Variants in DCC observed in about 807,000 individuals in gnomAD.
DCC encodes netrin receptor DCC.
A neutral mutation model predicts 172.5 loss-of-function variants in DCC; 58 were observed. The ratio of observed to expected loss-of-function variants is 0.34; its 90% CI spans 0.27 to 0.42. DCC has a LOEUF of 0.42. Among genes scored for constraint, DCC ranks in the 10% least tolerant of loss-of-function variants. The probability of loss-of-function intolerance (pLI) is 1.00; values close to 1 mark genes in which losing one functional copy is unlikely to be tolerated. For missense variants in DCC, 1,740 were observed against 1,791.0 expected, an observed-to-expected ratio of 0.97 and a Z score of 0.51; for synonymous variants, 709 against 644.5, an observed-to-expected ratio of 1.10 and a Z score of -1.52.
intron 1 of DCC, among the ~76,000 whole-genome samples, chr18:52,518,547 C>T (rs1420210396): frequency 6.6e-6 from 1 of 152,152 alleles, no homozygotes; most frequent in Non-Finnish European, 1.5e-5. Flanking sequence ...CACTGAAATC[C>T]TTCTGACTTG....
intron 7 of DCC, among the ~76,000 whole-genome samples, chr18:53,097,800 T>G (rs2043108616): frequency 6.6e-6 from 1 of 152,308 alleles, no homozygotes; most frequent in South Asian, 2.1e-4. Flanking sequence ...GACTTTCTTT[T>G]GTTTGCATAC....
intron 27 of DCC, among the ~76,000 whole-genome samples, chr18:53,514,565 GA>G (rs940636622): frequency 6.6e-6 from 1 of 151,806 alleles, no homozygotes; most frequent in Non-Finnish European, 1.5e-5. Flanking sequence ...GACTAATAAA[GA>G]AAAAAAGAGA....
chr18:52,981,785 A>G (rs1401477216), intron 5 of DCC, among the ~76,000 whole-genome samples: 1 of 152,206 alleles, frequency 6.6e-6, no homozygotes, highest in Non-Finnish European at 1.5e-5. Flanking sequence ...GAGTATGTTG[A>G]TGGAAAGATT....
At chr18:53,376,415 C>T (rs1440479616) in intron 15 of DCC, among the ~76,000 whole-genome samples, 1 of 152,026 alleles carries the variant, frequency 6.6e-6, no homozygotes, top group Non-Finnish European at 1.5e-5. Flanking sequence ...TAAAAATAAA[C>T]AAACAAAAAG....
chr18:52,517,859 G>A (rs1335820519), intron 1 of DCC, among the ~76,000 whole-genome samples: 1 of 151,910 alleles, frequency 6.6e-6, no homozygotes, highest in African/African-American at 2.4e-5. Context: ...TAGTGTTCTG[G>A]GTCTGGTTTT....
At chr18:52,483,054 T>C (rs888826376) in intron 1 of DCC, among the ~76,000 whole-genome samples, 4 of 152,114 alleles carry the variant, frequency 2.6e-5, no homozygotes, top group African/African-American at 9.6e-5. Context: ...TTCCAGCTTT[T>C]GGTGACTCCA....
intron 25 of DCC, among the ~76,000 whole-genome samples, chr18:53,482,395 T>C (rs906774456): frequency 6.6e-6 from 1 of 152,106 alleles, no homozygotes; most frequent in South Asian, 2.1e-4. Flanking sequence ...GCAGCAAAAA[T>C]ACAAAACTAT....
chr18:52,705,471 C>T (rs2036191879), intron 1 of DCC, among the ~76,000 whole-genome samples: 1 of 152,174 alleles, frequency 6.6e-6, no homozygotes, highest in Admixed American at 6.5e-5. Context: ...ATTTCTCTGT[C>T]AGCAGACACA....
At chr18:53,414,134 C>G (rs1910156248) in intron 20 of DCC, among the ~76,000 whole-genome samples, 1 of 152,100 alleles carries the variant, frequency 6.6e-6, no homozygotes, top group South Asian at 2.1e-4. Flanking sequence ...GCTGGTAAAC[C>G]TTTAAAAATG....
chr18:53,230,800 C>A (rs1340907704), intron 12 of DCC, among the ~76,000 whole-genome samples: 1 of 151,696 alleles, frequency 6.6e-6, no homozygotes, highest in Non-Finnish European at 1.5e-5. Flanking sequence ...TAGATGAAAA[C>A]TGTGTTTCAA....
chr18:52,662,605 G>A (rs2035381943), intron 1 of DCC, among the ~76,000 whole-genome samples: 1 of 148,632 alleles, frequency 6.7e-6, no homozygotes, highest in South Asian at 2.2e-4. Flanking sequence ...GGGAGGGAAA[G>A]AGAGAGAGAA....
At chr18:52,841,551 A>T (rs887540945) in intron 2 of DCC, among the ~76,000 whole-genome samples, 7 of 152,166 alleles carry the variant, frequency 4.6e-5, no homozygotes, top group Non-Finnish European at 7.4e-5. Context: ...AGAAGTGACA[A>T]TGAACTGGGA....
intron 1 of DCC, among the ~76,000 whole-genome samples, chr18:52,724,260 C>A (rs1292488632): frequency 1.3e-5 from 2 of 152,154 alleles, no homozygotes; most frequent in Non-Finnish European, 2.9e-5. Flanking sequence ...AATCCTCCTG[C>A]CTCAGCCTCC....
chr18:53,060,184 CTGTTGTTGT>C (rs10588873), intron 5 of DCC, among the ~76,000 whole-genome samples: 1 of 151,340 alleles, frequency 6.6e-6, no homozygotes, highest in Admixed American at 6.6e-5. Context: ...TTATTTGTTG[CTGTTGTTGT>C]TGTTGTTGTT....
At chr18:52,424,713 C>T (rs1394662318) in intron 1 of DCC, among the ~76,000 whole-genome samples, 2 of 152,024 alleles carry the variant, frequency 1.3e-5, no homozygotes, top group African/African-American at 4.8e-5. Flanking sequence ...TATTGAGTTA[C>T]CTCTGCCAGT....
intron 1 of DCC, among the ~76,000 whole-genome samples, chr18:52,667,722 G>C (rs1437347549): frequency 6.6e-6 from 1 of 152,210 alleles, no homozygotes; most frequent in Non-Finnish European, 1.5e-5. Flanking sequence ...TCCCCTGGAG[G>C]GGGAAGAGCT....
At chr18:53,035,219 T>C (rs1446171972) in intron 5 of DCC, among the ~76,000 whole-genome samples, 1 of 151,944 alleles carries the variant, frequency 6.6e-6, no homozygotes, top group African/African-American at 2.4e-5. Flanking sequence ...CTGTTTAAGA[T>C]ACTTTGAAAT....
chr18:53,221,303 A>G (rs1232708666), intron 12 of DCC, among the ~76,000 whole-genome samples: 1 of 152,132 alleles, frequency 6.6e-6, no homozygotes, highest in Non-Finnish European at 1.5e-5. Flanking sequence ...AAAACTTAGT[A>G]TCTATTCACC....
At chr18:53,352,086 C>T (rs898896450) in intron 15 of DCC, among the ~76,000 whole-genome samples, 4 of 151,954 alleles carry the variant, frequency 2.6e-5, no homozygotes, top group African/African-American at 7.2e-5. Flanking sequence ...GCAGATAGAG[C>T]ACTCTATTGC....
Sources: allele counts gnomAD v4.1 joint callset (sites outside exome capture counted in the v4.1 genomes callset), GRCh38; gene constraint gnomAD v4.1.1; transcripts MANE v1.5; gene names NCBI Gene and HGNC (gene_info 2026-07-23, HGNC 2026-07-21).